Variants in DNMT3B observed in about 807,000 individuals in gnomAD.
DNMT3B encodes the protein DNA methyltransferase 3 beta, also known as DNA (cytosine-5)-methyltransferase 3B.
Under a neutral mutation model 120.2 loss-of-function variants are expected in DNMT3B, and 37 were observed. That is an observed-to-expected ratio of 0.31 (90% confidence interval 0.24 to 0.40). The LOEUF is 0.40. Among genes scored for constraint, DNMT3B ranks in the 10% least tolerant of loss-of-function variants. DNMT3B has a pLI of 1.00. For missense variants in DNMT3B, 878 were observed against 1,137.3 expected (o/e 0.77, Z 3.28); for synonymous variants, 412 against 442.8 (o/e 0.93, Z 0.87).
intron 1 of DNMT3B, among the ~76,000 whole-genome samples, chr20:32,779,467 C>T (rs2145900263): frequency 6.6e-6 from 1 of 152,356 alleles, no homozygotes; most frequent in African/African-American, 2.4e-5. Context: ...CATAATGTTG[C>T]AGGCAATGGG....
chr20:32,784,669 G>T, intron 3 of DNMT3B, 89 bp from the exon 4 acceptor site: 1 of 1,414,756 alleles, frequency 7.1e-7, no homozygotes, highest in South Asian at 1.2e-5. Flanking sequence ...AGGCACAGGC[G>T]ATCAGTCTTT....
chr20:32,782,353 G>A (rs1978727862), intron 3 of DNMT3B, among the ~76,000 whole-genome samples: 1 of 152,140 alleles, frequency 6.6e-6, no homozygotes, highest in Admixed American at 6.5e-5. Context: ...TTCAAGAATA[G>A]GTTTCTACTG....
At chr20:32,795,360 T>C (rs762932401) in intron 10 of DNMT3B, 49 bp from the exon 11 acceptor site, 1 of 1,612,930 alleles carries the variant, frequency 6.2e-7, no homozygotes, top group Non-Finnish European at 8.5e-7. Context: ...CCGCATTCTC[T>C]CTGGACCCTC....
intron 1 of DNMT3B, among the ~76,000 whole-genome samples, chr20:32,764,036 T>TGGTACTTAGTTTATA (rs1462682540): frequency 6.6e-6 from 1 of 152,168 alleles, no homozygotes; most frequent in Non-Finnish European, 1.5e-5. Context: ...GTTGAGATGA[T>TGGTACTTAGTTTATA]GGTACTTAGT....
At chr20:32,798,074 C>T (rs1980861607) in intron 14 of DNMT3B, among the ~76,000 whole-genome samples, 1 of 152,122 alleles carries the variant, frequency 6.6e-6, no homozygotes, top group African/African-American at 2.4e-5. Context: ...CCCAAAGCCC[C>T]AGAGTTGTAG....
At chr20:32,802,210 A>T (rs895791543) in intron 19 of DNMT3B, among the ~76,000 whole-genome samples, 175 bp from the exon 20 acceptor site, 2 of 152,166 alleles carry the variant, frequency 1.3e-5, no homozygotes, top group African/African-American at 4.8e-5. Context: ...TTAGCATAGT[A>T]TGAGGGCATT....
intron 14 of DNMT3B, among the ~76,000 whole-genome samples, chr20:32,797,734 A>G (rs974011334): frequency 5.3e-5 from 8 of 151,316 alleles, no homozygotes; most frequent in African/African-American, 1.9e-4. Context: ...ATCTTGGCTC[A>G]CTGCAACCTC....
At chr20:32,784,290 C>T (rs1978994543) in intron 3 of DNMT3B, among the ~76,000 whole-genome samples, 1 of 152,214 alleles carries the variant, frequency 6.6e-6, no homozygotes. Context: ...CTGCCCCAGA[C>T]TCCCAAAGTG....
Position 32,762,567 on chromosome 20 carries a change from TA to T in DNMT3B, c.-136del. 1 of 353,190 alleles carries T rather than the reference TA, an allele frequency of 2.8e-6. No individual in the cohort carries two copies. 21.9% of individuals were successfully genotyped at this position (353,190 alleles called of 1,614,324 possible). A position where few individuals can be genotyped will look rare whatever the true frequency, so the allele number is the denominator to read the frequency against. On this transcript the variant is annotated 5_prime_UTR_variant, in exon 1 of 23. Transcript: ENST00000328111. ...CAGCGCTGGGGTTAAGTGGCCCAAGTAAACCTAGCTCGGCGATCGGCGCCGG... is the reference window on the plus strand; with the variant it reads ...CAGCGCTGGGGTTAAGTGGCCCAAGTAACCTAGCTCGGCGATCGGCGCCGG...
chr20:32,783,286 AT>A (rs928794889), intron 3 of DNMT3B, among the ~76,000 whole-genome samples: 1 of 151,994 alleles, frequency 6.6e-6, no homozygotes, highest in African/African-American at 2.4e-5. Flanking sequence ...GGCTCAAGGA[AT>A]TTTTTTTACA....
At chr20:32,776,743 G>C (rs899496448) in intron 1 of DNMT3B, among the ~76,000 whole-genome samples, 1 of 152,192 alleles carries the variant, frequency 6.6e-6, no homozygotes, top group Non-Finnish European at 1.5e-5. Flanking sequence ...TTATTGGGGG[G>C]ATTTTTATAT....
chr20:32,780,268 C>T (rs759054819), intron 1 of DNMT3B, 50 bp from the exon 2 acceptor site: 2 of 1,613,464 alleles, frequency 1.2e-6, no homozygotes. Context: ...CACTGTCCCT[C>T]TCATGTCCCT....
At chr20:32,798,942 G>C (rs1980990884) in intron 15 of DNMT3B, among the ~76,000 whole-genome samples, 1 of 152,226 alleles carries the variant, frequency 6.6e-6, no homozygotes, top group Non-Finnish European at 1.5e-5. Flanking sequence ...CAGTAGAAAT[G>C]AATTTTCTAG....
chr20:32,783,922 T>C (rs1409521636), intron 3 of DNMT3B, among the ~76,000 whole-genome samples: 2 of 151,236 alleles, frequency 1.3e-5, no homozygotes, highest in Non-Finnish European at 3.0e-5. Flanking sequence ...ATTTTTTTTT[T>C]TTTTTGAGAT....
chr20:32,793,795 T>G (rs1980277762), intron 10 of DNMT3B, among the ~76,000 whole-genome samples, 200 bp downstream of exon 10: 5 of 152,342 alleles, frequency 3.3e-5, no homozygotes. Flanking sequence ...CAGATTTTTC[T>G]GAACACTAGT....
At chr20:32,784,556 AT>A (rs1840840026) in intron 3 of DNMT3B, among the ~76,000 whole-genome samples, 1 of 152,160 alleles carries the variant, frequency 6.6e-6, no homozygotes, top group Non-Finnish European at 1.5e-5. Context: ...CCCTGATGAC[AT>A]GGTGCAGGTT....
At chr20:32,775,879 C>G (rs1988042973) in intron 1 of DNMT3B, among the ~76,000 whole-genome samples, 1 of 152,234 alleles carries the variant, frequency 6.6e-6, no homozygotes, top group Admixed American at 6.5e-5. Flanking sequence ...GGTGACTTAA[C>G]TCATCTGAGT....
In DNMT3B at chr20:32,789,020, C is replaced by T. The variant is rs370526016; in HGVS notation, c.813+8C>T. 1.1e-4 allele frequency: 179 copies of T among 1,613,668 alleles called. No homozygotes were observed. In the African/African-American group the frequency reaches 1.3e-3, roughly 11 times the overall value. On this transcript the variant is annotated splice_region_variant and intron_variant, in intron 7 of 22. Coordinates refer to ENST00000328111, the MANE Select transcript of DNMT3B (RefSeq NM_006892.4). ...GATGGCAAGTTCTCCGAGGTGAGTC[C>T]GGGGAAGGGCAAGGGGTTCTGCAGG...
intron 2 of DNMT3B, among the ~76,000 whole-genome samples, chr20:32,780,912 TC>T (rs1222182527): frequency 2.0e-5 from 3 of 152,196 alleles, no homozygotes; most frequent in African/African-American, 7.2e-5. Context: ...CCCTGCATTG[TC>T]CTCTCAGCTG....
Sources: gnomAD v4.1 joint callset for allele counts (sites outside exome capture counted in the v4.1 genomes callset) on GRCh38, gnomAD v4.1.1 for gene constraint, MANE v1.5 for transcripts, NCBI Gene and HGNC (gene_info 2026-07-23, HGNC 2026-07-21) for gene names.